PTK2: variants seen among roughly 807,000 people sequenced by gnomAD.
PTK2 encodes focal adhesion kinase 1.
A neutral mutation model predicts 150.1 loss-of-function variants in PTK2; 45 were observed. The observed-to-expected ratio is 0.30, with a 90% CI of 0.24 to 0.38. The LOEUF is 0.38. Ranked by LOEUF, PTK2 falls within the 10% of genes least tolerant of loss-of-function variation. PTK2 has a pLI of 1.00. For synonymous variants in PTK2, 432 were observed against 449.2 expected, an observed-to-expected ratio of 0.96 and a Z score of 0.48; for missense variants, 919 against 1,307.3, an observed-to-expected ratio of 0.70 and a Z score of 4.58.
intron 8 of PTK2, chr8:140,820,877 G>A (rs1011632978): frequency 2.6e-4 from 39 of 152,424 alleles, no homozygotes; most frequent in African/African-American, 9.4e-4. Context: ...TCAGGGACAT[G>A]GGGAGCAGCC....
At position 140,699,092 on chromosome 8, in the gene PTK2, T is replaced by C. The variant is rs934769358; in HGVS notation, c.2499+1799A>G. Among the ~76,000 whole-genome samples the C allele has an allele frequency of 4.6e-5, 7 of 152,084 alleles. No homozygotes were observed. In the South Asian group the frequency reaches 6.2e-4, roughly 14 times the overall value. ...CAGGCCAAAAATAACAATTTTTTTT[T>C]CCCATCTGCCTTACAATCTCAAGAT... On this transcript the variant is annotated intron_variant, in intron 26 of 31. Transcript: ENST00000522684.
intron 14 of PTK2, among the ~76,000 whole-genome samples, chr8:140,770,298 T>C (rs1203658733): frequency 6.6e-6 from 1 of 152,134 alleles, no homozygotes; most frequent in Non-Finnish European, 1.5e-5. Context: ...TAAATATCTG[T>C]CCCCAAAGCA....
intron 1 of PTK2, among the ~76,000 whole-genome samples, chr8:140,944,424 G>T (rs982308363): frequency 3.9e-5 from 6 of 152,136 alleles, no homozygotes; most frequent in African/African-American, 1.4e-4. Flanking sequence ...TAACCTTAAG[G>T]CCTAAGCTTT....
rs1399478001 is a variant in PTK2 at position 140,982,067 on chromosome 8, A to AT, written c.-122+19057_-122+19058insA. ...GCTCCACGCTTCACCAACTCAATAA[A>AT]AAAAAAAAAAAAAAAATGACTCAGT... On this transcript the variant is annotated intron_variant, in intron 1 of 31. Transcript: ENST00000522684. Among the ~76,000 whole-genome samples the AT allele has an allele frequency of 2.5e-3, 72 of 29,270 alleles. 2 individuals carry two copies. Among genetic ancestry groups the AT allele is most frequent in the Non-Finnish European group, 9.4e-3 (59 of 6,308 alleles). 19.2% of individuals were successfully genotyped at this position (29,270 alleles called of 152,430 possible). A position where few individuals can be genotyped will look rare whatever the true frequency, so the allele number is the denominator to read the frequency against.
intron 16 of PTK2, among the ~76,000 whole-genome samples, chr8:140,759,857 A>C (rs528667072): frequency 3.6e-4 from 54 of 151,572 alleles, no homozygotes; most frequent in Non-Finnish European, 6.9e-4. Context: ...CCACACACAC[A>C]CACACACACA....
chr8:140,737,012 C>CA (rs1053450758), intron 21 of PTK2, among the ~76,000 whole-genome samples: 37 of 151,802 alleles, frequency 2.4e-4, no homozygotes, highest in African/African-American at 5.8e-4. Context: ...GAGTATCTGA[C>CA]AAAAAAAATG....
chr8:140,712,330 C>T (rs1193175393), intron 23 of PTK2, among the ~76,000 whole-genome samples: 1 of 152,148 alleles, frequency 6.6e-6, no homozygotes, highest in African/African-American at 2.4e-5. Flanking sequence ...TCTGTTTCTG[C>T]AGTCTTACGA....
chr8:140,862,065 A>C (rs764444751), intron 5 of PTK2, among the ~76,000 whole-genome samples: 1 of 152,236 alleles, frequency 6.6e-6, no homozygotes, highest in Non-Finnish European at 1.5e-5. Context: ...CATATAGGAA[A>C]GTCTTCCAAC....
intron 26 of PTK2, among the ~76,000 whole-genome samples, chr8:140,696,623 T>C (rs2100026743): frequency 6.6e-6 from 1 of 151,812 alleles, no homozygotes; most frequent in Admixed American, 6.6e-5. Flanking sequence ...ACAAAAATAA[T>C]CTTTAAAGAC....
At chr8:140,811,822 T>G (rs1344082177) in intron 10 of PTK2, among the ~76,000 whole-genome samples, 2 of 152,244 alleles carry the variant, frequency 1.3e-5, no homozygotes, top group East Asian at 3.9e-4. Flanking sequence ...ATTTCAGAGC[T>G]TGAAAGCTGT....
At chr8:140,839,195 A>C (rs2100120764) in intron 7 of PTK2, among the ~76,000 whole-genome samples, 1 of 152,146 alleles carries the variant, frequency 6.6e-6, no homozygotes, top group African/African-American at 2.4e-5. Context: ...GGGTTTCTGG[A>C]CCGACGGTAC....
chr8:140,711,387 G>T (rs1214170914), intron 23 of PTK2, among the ~76,000 whole-genome samples: 1 of 152,148 alleles, frequency 6.6e-6, no homozygotes, highest in African/African-American at 2.4e-5. Context: ...GGTTACAGGC[G>T]TGAGCCACCA....
intron 3 of PTK2, chr8:140,890,267 TA>T (rs771284220): frequency 0.13 from 36,973 of 280,622 alleles, 17 homozygotes; most frequent in Middle Eastern, 0.17. Flanking sequence ...ATCCAAGAGT[TA>T]AAAAAAAAAA....
chr8:140,691,644 G>A (rs2100023284), intron 26 of PTK2, among the ~76,000 whole-genome samples: 1 of 152,142 alleles, frequency 6.6e-6, no homozygotes, highest in Admixed American at 6.5e-5. Context: ...GGAAATGAAT[G>A]CCCTGTGCAT....
At chr8:140,924,969 A>G (rs1027636887) in intron 2 of PTK2, among the ~76,000 whole-genome samples, 1 of 152,164 alleles carries the variant, frequency 6.6e-6, no homozygotes, top group Non-Finnish European at 1.5e-5. Context: ...ATGATGTACA[A>G]TTTTGTCCAA....
rs57247522 is a variant in PTK2, at chr8:140,670,488, A to AACACACACACAC, written c.2710-2076_2710-2065dup. On this transcript the variant is annotated intron_variant, in intron 29 of 31. Transcript: ENST00000522684. ...AAAAAAAAAAAAAAAAAAAAACAAC[A>AACACACACACAC]ACACACACACACACACACACACACA... Among the ~76,000 whole-genome samples the AACACACACACAC allele has an allele frequency of 1.7e-3, 65 of 38,972 alleles. 1 individual carries two copies. The highest frequency in any genetic ancestry group is 4.5e-3 in the African/African-American group (59 of 13,104). The allele number at this position is 38,972 out of a possible 152,430, so 25.6% of individuals were successfully genotyped here. A position where few individuals can be genotyped will look rare whatever the true frequency, so the allele number is the denominator to read the frequency against.
chr8:140,832,864 C>CA (rs755669781), intron 7 of PTK2: 1 of 518,828 alleles, frequency 1.9e-6, no homozygotes, highest in Non-Finnish European at 3.8e-6. Context: ...TTCAAGAAGG[C>CA]AACTGGCCAT....
At chr8:140,745,917 T>C (rs1480907342) in intron 18 of PTK2, among the ~76,000 whole-genome samples, 1 of 151,578 alleles carries the variant, frequency 6.6e-6, no homozygotes, top group Non-Finnish European at 1.5e-5. Context: ...AGAGTAGTGC[T>C]TGAACCTGGG....
intron 7 of PTK2, among the ~76,000 whole-genome samples, chr8:140,839,868 G>C (rs571923763): frequency 1.3e-5 from 2 of 152,174 alleles, no homozygotes; most frequent in East Asian, 1.9e-4. Context: ...AGAAATCGAA[G>C]CACAAGACAT....
Sources: allele counts gnomAD v4.1 joint callset (sites outside exome capture counted in the v4.1 genomes callset), GRCh38; gene constraint gnomAD v4.1.1; transcripts MANE v1.5; gene names NCBI Gene and HGNC (gene_info 2026-07-23, HGNC 2026-07-21).